Variants in CADM2 observed in about 807,000 individuals in gnomAD.
CADM2 encodes cell adhesion molecule 2.
CADM2 carries 12 observed loss-of-function variants against 49.8 expected under a neutral mutation model. The ratio of observed to expected loss-of-function variants is 0.24; its 90% CI spans 0.15 to 0.39. The LOEUF (loss-of-function observed/expected upper bound fraction) is 0.39, where lower values mean the gene tolerates loss of function less well. CADM2 is among the 10% of genes least tolerant of loss of function. The pLI, the probability that CADM2 is intolerant of heterozygous loss-of-function variation, is 1.00. For synonymous variants in CADM2, 214 were observed against 175.4 expected, an observed-to-expected ratio of 1.22 and a Z score of -1.74; for missense variants, 378 against 492.3, an observed-to-expected ratio of 0.77 and a Z score of 2.20.
intron 8 of CADM2, among the ~76,000 whole-genome samples, chr3:86,063,647 ACAGT>A (rs1315483743): frequency 2.7e-5 from 4 of 149,704 alleles, no homozygotes; most frequent in Non-Finnish European, 5.9e-5. Context: ...GAAGTTTCAA[ACAGT>A]CAGACTTTTT....
chr3:85,166,685 C>T (rs1050174269), intron 1 of CADM2, among the ~76,000 whole-genome samples: 12 of 151,774 alleles, frequency 7.9e-5, no homozygotes, highest in Non-Finnish European at 1.3e-4. Context: ...GTTTGCCTAC[C>T]GTTGCCAGAT....
intron 3 of CADM2, among the ~76,000 whole-genome samples, chr3:85,849,489 A>C (rs1303726642): frequency 6.6e-6 from 1 of 152,180 alleles, no homozygotes; most frequent in African/African-American, 2.4e-5. Context: ...ACCTTTTCCC[A>C]AAAAATACTT....
In CADM2 at chr3:85,986,187, T is replaced by C. The variant is rs181868943; in HGVS notation, c.970+24540T>C. On this transcript the variant is annotated intron_variant, in intron 8 of 9. Coordinates refer to ENST00000383699, the MANE Select transcript of CADM2 (RefSeq NM_001167675.2). Reference sequence around the variant, plus strand: ...CTTAATTTTTATTTGGTTTCATTACTGTGTCTCTCTTTTCCTTCTTGGTTT... The same window carrying C: ...CTTAATTTTTATTTGGTTTCATTACCGTGTCTCTCTTTTCCTTCTTGGTTT... Among the ~76,000 whole-genome samples the C allele has an allele frequency of 2.1e-3, 319 of 152,194 alleles. 1 individual carries two copies. Among genetic ancestry groups the C allele is most frequent in the African/African-American group, 6.7e-3 (280 of 41,556 alleles).
intron 1 of CADM2, among the ~76,000 whole-genome samples, chr3:84,980,868 T>G (rs540941237): frequency 6.6e-6 from 1 of 152,276 alleles, no homozygotes; most frequent in South Asian, 2.1e-4. Flanking sequence ...GGAGATACTG[T>G]GAGCAGAAAC....
chr3:85,349,674 T>C (rs1220392247), intron 1 of CADM2, among the ~76,000 whole-genome samples: 1 of 152,226 alleles, frequency 6.6e-6, no homozygotes, highest in Non-Finnish European at 1.5e-5. Flanking sequence ...TCTGCAGATA[T>C]CACCAACAGA....
chr3:85,385,800 CTTTTTT>C (rs3086134), intron 1 of CADM2: 2 of 127,506 alleles, frequency 1.6e-5, no homozygotes, highest in African/African-American at 2.9e-5. Flanking sequence ...TTCTCTCTCT[CTTTTTT>C]TTTTTTTTTG....
intron 1 of CADM2, among the ~76,000 whole-genome samples, chr3:85,612,741 C>T (rs2063710820): frequency 6.6e-6 from 1 of 151,562 alleles, no homozygotes; most frequent in Non-Finnish European, 1.5e-5. Context: ...TCATGAGGGA[C>T]ATTTATTATA....
intron 1 of CADM2, among the ~76,000 whole-genome samples, chr3:85,633,206 A>C (rs1011473463): frequency 3.3e-5 from 5 of 152,038 alleles, no homozygotes; most frequent in Non-Finnish European, 7.4e-5. Context: ...GAGTGTTGCC[A>C]TTACTTAATT....
chr3:85,354,048 A>G (rs1242094094), intron 1 of CADM2, among the ~76,000 whole-genome samples: 1 of 151,990 alleles, frequency 6.6e-6, no homozygotes, highest in Non-Finnish European at 1.5e-5. Context: ...TAGGAATAGA[A>G]CTGACTACAA....
rs537775500 is a variant in CADM2 at position 85,448,357 on chromosome 3, C to G, written c.62-278165C>G. ...CAAAAAAAAAAAAAAAAAAAAAAAT[C>G]CTAGCAAATATATCTCACTCCATTT... On this transcript the variant is annotated intron_variant, in intron 1 of 9. Coordinates refer to ENST00000383699, the MANE Select transcript of CADM2 (RefSeq NM_001167675.2). Among the ~76,000 whole-genome samples, 37 of 146,678 alleles carry G rather than the reference C, an allele frequency of 2.5e-4. No homozygotes were observed. The East Asian group carries it at 7.1e-3, about 28-fold the overall frequency.
At position 85,361,186 on chromosome 3, in the gene CADM2, T is replaced by C. The variant is rs372022093; in HGVS notation, c.62-365336T>C. On this transcript the variant is annotated intron_variant, in intron 1 of 9. Coordinates refer to ENST00000383699, the MANE Select transcript of CADM2 (RefSeq NM_001167675.2). ...ATTTGAGCATTGAACGATTCATGAATTGGGAGCACAAGACTGCAAGCAGTT... is the reference window on the plus strand; with the variant it reads ...ATTTGAGCATTGAACGATTCATGAACTGGGAGCACAAGACTGCAAGCAGTT... Among the ~76,000 whole-genome samples, 17 of 152,196 alleles carry C rather than the reference T, an allele frequency of 1.1e-4. No homozygotes were observed. The East Asian group carries it at 2.3e-3, about 21-fold the overall frequency.
chr3:85,996,305 T>C (rs903299523), intron 8 of CADM2, among the ~76,000 whole-genome samples: 3 of 142,150 alleles, frequency 2.1e-5, no homozygotes, highest in African/African-American at 7.7e-5. Context: ...TTTTTTTTTT[T>C]TTTTTTTGGT....
At chr3:85,212,858 C>CTTTCTTTCTTTCTTT (rs1559723735) in intron 1 of CADM2, among the ~76,000 whole-genome samples, 5 of 123,528 alleles carry the variant, frequency 4.0e-5, no homozygotes, top group Non-Finnish European at 6.5e-5. Context: ...TTCTTTCTTT[C>CTTTCTTTCTTTCTTT]TTTCTTTCTT....
intron 1 of CADM2, among the ~76,000 whole-genome samples, chr3:85,275,772 A>G (rs72919239): frequency 0.066 from 10,025 of 151,094 alleles, 1,088 homozygotes; most frequent in African/African-American, 0.23. Flanking sequence ...AACTATATAT[A>G]TAAAATAATA....
chr3:86,000,454 T>C (rs1010183944), intron 8 of CADM2, among the ~76,000 whole-genome samples: 2 of 152,156 alleles, frequency 1.3e-5, no homozygotes, highest in African/African-American at 4.8e-5. Context: ...AAGATGGATA[T>C]AGTCAATGTT....
intron 1 of CADM2, among the ~76,000 whole-genome samples, chr3:85,538,661 A>G (rs1243276238): frequency 6.6e-6 from 1 of 152,154 alleles, no homozygotes; most frequent in Admixed American, 6.6e-5. Context: ...CAAGAAAACT[A>G]TTGTCAGAAA....
At chr3:85,348,713 A>T (rs1468512876) in intron 1 of CADM2, among the ~76,000 whole-genome samples, 1 of 152,148 alleles carries the variant, frequency 6.6e-6, no homozygotes, top group Non-Finnish European at 1.5e-5. Context: ...CTCACTTATA[A>T]TTAGGCAATC....
chr3:85,616,504 C>A (rs2063803494), intron 1 of CADM2, among the ~76,000 whole-genome samples: 1 of 151,938 alleles, frequency 6.6e-6, no homozygotes, highest in Non-Finnish European at 1.5e-5. Flanking sequence ...GTTACTGTTT[C>A]AGGTGATTTT....
chr3:85,959,077 T>C (rs1484765261), intron 7 of CADM2, among the ~76,000 whole-genome samples: 1 of 151,354 alleles, frequency 6.6e-6, no homozygotes, highest in South Asian at 2.1e-4. Flanking sequence ...TATATCTATA[T>C]AGCTATATCT....
Sources: allele counts gnomAD v4.1 joint callset (sites outside exome capture counted in the v4.1 genomes callset), GRCh38; gene constraint gnomAD v4.1.1; transcripts MANE v1.5; gene names NCBI Gene and HGNC (gene_info 2026-07-23, HGNC 2026-07-21).